Variants in CSPP1 observed in about 807,000 individuals in gnomAD.
The protein encoded by CSPP1 is centrosome and spindle pole-associated protein 1.
CSPP1 carries 126 observed loss-of-function variants against 164.4 expected under a neutral mutation model. That is an observed-to-expected ratio of 0.77 (90% CI 0.66 to 0.89). The LOEUF is 0.89. CSPP1 is among the 40% of genes least tolerant of loss of function. The pLI is 0.00. For synonymous variants in CSPP1, 472 were observed against 476.7 expected (o/e 0.99, Z 0.13); for missense variants, 1,395 against 1,449.8 (o/e 0.96, Z 0.61).
chr8:67,127,789 T>G (rs1385193067), intron 15 of CSPP1, among the ~76,000 whole-genome samples: 1 of 152,216 alleles, frequency 6.6e-6, no homozygotes, highest in East Asian at 1.9e-4. Flanking sequence ...TTTTAAGTTC[T>G]TCTCTGTTAA....
chr8:67,135,999 T>C (rs1330113153), intron 16 of CSPP1: 1 of 152,150 alleles, frequency 6.6e-6, no homozygotes. Flanking sequence ...GAACGGCTGA[T>C]TGGTAGAATA....
At position 67,080,608 on chromosome 8, in the gene CSPP1, C is replaced by G. The variant is rs545391383; in HGVS notation, c.199+4027C>G. ...AGTTCAAGGGTCACCAGGACACCTT[C>G]AGGTCTGACCATCTGGCTATAAATT... On this transcript the variant is annotated intron_variant, in intron 3 of 30. Coordinates refer to ENST00000678616, the MANE Select transcript of CSPP1 (RefSeq NM_001382391.1). 5.3e-5 allele frequency among the ~76,000 whole-genome samples: 8 copies of G among 152,356 alleles called. No homozygotes were observed. The South Asian group carries it at 1.7e-3, about 32-fold the overall frequency.
chr8:67,164,572 TA>T, intron 24 of CSPP1, 64 bp downstream of exon 24: 1 of 751,318 alleles, frequency 1.3e-6, no homozygotes, highest in Non-Finnish European at 2.4e-6. Flanking sequence ...ACCTATCCAG[TA>T]ATTTTGTAGT....
At chr8:67,176,104 A>G (rs1358772894) in intron 26 of CSPP1, among the ~76,000 whole-genome samples, 1 of 152,048 alleles carries the variant, frequency 6.6e-6, no homozygotes, top group Non-Finnish European at 1.5e-5. Flanking sequence ...GTGGGCACCT[A>G]GAAGCAGAGT....
intron 28 of CSPP1, among the ~76,000 whole-genome samples, chr8:67,182,232 A>C (rs1026999167): frequency 6.6e-6 from 1 of 151,936 alleles, no homozygotes; most frequent in Non-Finnish European, 1.5e-5. Context: ...CGAACTCTTG[A>C]GCTTAAGTGA....
intron 15 of CSPP1, among the ~76,000 whole-genome samples, chr8:67,120,308 C>T (rs903762819): frequency 3.3e-5 from 5 of 152,120 alleles, no homozygotes; most frequent in Non-Finnish European, 7.4e-5. Context: ...GTGAGTGCTA[C>T]AGCTTTGTTC....
At chr8:67,135,355 T>C in intron 16 of CSPP1, 1 of 152,060 alleles carries the variant, frequency 6.6e-6, no homozygotes, top group Non-Finnish European at 1.5e-5. Context: ...AGAGGTGGGG[T>C]TTCACCATGT....
At chr8:67,160,034 T>TTCTTC (rs1563715668) in intron 21 of CSPP1, among the ~76,000 whole-genome samples, 50 of 106,372 alleles carry the variant, frequency 4.7e-4, no homozygotes, top group Admixed American at 6.2e-4. Context: ...TTCTTTTCTT[T>TTCTTC]TTCTTTTTCT....
chr8:67,177,704 C>CT lies in CSPP1; in HGVS notation c.3135dup (p.Lys1046Ter). 6.2e-7 allele frequency: 1 copy of CT among 1,611,864 alleles called. No individual in the cohort carries two copies. The highest frequency in any genetic ancestry group is 8.5e-7 in the Non-Finnish European group (1 of 1,178,402). On this transcript the variant is annotated frameshift_variant, in exon 27 of 31. Coordinates refer to ENST00000678616, the MANE Select transcript of CSPP1 (RefSeq NM_001382391.1). LOFTEE classifies it high-confidence loss of function. ...GTTGACTTAGATGCCATCCCAAGTG[C>CT]TAAAGTACGAGAGCAAAGAATGGTA...
intron 15 of CSPP1, among the ~76,000 whole-genome samples, chr8:67,126,837 T>A (rs1820174548): frequency 6.6e-6 from 1 of 152,146 alleles, no homozygotes. Flanking sequence ...GCTATGATGT[T>A]AAGTAATTAC....
At chr8:67,082,129 C>A (rs958874590) in intron 3 of CSPP1, among the ~76,000 whole-genome samples, 18 of 152,194 alleles carry the variant, frequency 1.2e-4, no homozygotes, top group African/African-American at 4.3e-4. Flanking sequence ...CTCACTGCAA[C>A]CTCTGCCTCC....
chr8:67,134,906 A>G (rs912174128), intron 16 of CSPP1: 5 of 152,166 alleles, frequency 3.3e-5, no homozygotes, highest in African/African-American at 9.7e-5. Context: ...TCAGAATGGT[A>G]TATTAGCATT....
chr8:67,190,166 G>T (rs913889752), intron 28 of CSPP1, among the ~76,000 whole-genome samples: 1 of 152,290 alleles, frequency 6.6e-6, no homozygotes, highest in South Asian at 2.1e-4. Flanking sequence ...ATTGCTAGCA[G>T]CTAGCAAATG....
intron 25 of CSPP1, 141 bp downstream of exon 25, chr8:67,172,696 T>C (rs1214930092): frequency 3.5e-5 from 26 of 732,400 alleles, no homozygotes; most frequent in Non-Finnish European, 5.3e-5. Flanking sequence ...ATGAAACTTA[T>C]GTATTCTCTA....
chr8:67,158,706 A>G, intron 20 of CSPP1, 110 bp downstream of exon 20: 3 of 1,314,424 alleles, frequency 2.3e-6, no homozygotes, highest in Non-Finnish European at 3.0e-6. Flanking sequence ...GTACATTTAG[A>G]AAATATCAGA....
Position 67,095,153 on chromosome 8 carries a change from T to C in CSPP1, c.484-140T>C, listed in dbSNP as rs1812484467. The C allele has an allele frequency of 2.2e-5, 10 of 455,162 alleles. No individual in the cohort carries two copies. The Admixed American group carries it at 3.5e-4, about 16-fold the overall frequency. 28.2% of individuals were successfully genotyped at this position (455,162 alleles called of 1,614,324 possible). On this transcript the variant is annotated intron_variant, in intron 6 of 30. Transcript: ENST00000678616. ...TCATGTGAACATTAATGTAAAAACGTATATATATATAAATATATGGGTGAT... is the reference window on the plus strand; with the variant it reads ...TCATGTGAACATTAATGTAAAAACGCATATATATATAAATATATGGGTGAT...
rs182282904 is a variant in CSPP1, at chr8:67,122,866, G to A, written c.1697+4045G>A. Among the ~76,000 whole-genome samples the A allele has an allele frequency of 1.6e-3, 240 of 151,540 alleles. 1 individual carries two copies. The highest frequency in any genetic ancestry group is 2.6e-3 in the Admixed American group (39 of 15,156). On this transcript the variant is annotated intron_variant, in intron 15 of 30. Coordinates refer to ENST00000678616, the MANE Select transcript of CSPP1 (RefSeq NM_001382391.1). ...TTGTGTGTGTGTGTTCTGATATACA[G>A]TCTTGCTCTGTGTGTGTGTGTGTGT...
At chr8:67,182,322 T>A (rs1833261931) in intron 28 of CSPP1, among the ~76,000 whole-genome samples, 1 of 152,170 alleles carries the variant, frequency 6.6e-6, no homozygotes, top group South Asian at 2.1e-4. Flanking sequence ...TTCCCCTTTT[T>A]TTTTTTATGC....
chr8:67,088,819 C>T (rs1274400779), intron 4 of CSPP1, among the ~76,000 whole-genome samples: 1 of 151,302 alleles, frequency 6.6e-6, no homozygotes, highest in Non-Finnish European at 1.5e-5. Flanking sequence ...ATGGCGTGAA[C>T]CCTGGAGGCG....
Sources: gnomAD v4.1 joint callset for allele counts (sites outside exome capture counted in the v4.1 genomes callset) on GRCh38, gnomAD v4.1.1 for gene constraint, MANE v1.5 for transcripts, NCBI Gene and HGNC (gene_info 2026-07-23, HGNC 2026-07-21) for gene names.